ELF4: variants seen among roughly 807,000 people sequenced by gnomAD.
ELF4 encodes the protein ETS-related transcription factor Elf-4.
In ELF4, 10 loss-of-function variants were observed where a neutral mutation model predicts 31.7. The observed-to-expected ratio is 0.32, with a 90% CI of 0.19 to 0.54. ELF4 has a LOEUF of 0.54. Among genes scored for constraint, ELF4 ranks in the 20% least tolerant of loss-of-function variants. The pLI is 0.95. For synonymous variants in ELF4, 208 were observed against 226.7 expected, an observed-to-expected ratio of 0.92 and a Z score of 0.74; for missense variants, 418 against 522.0, an observed-to-expected ratio of 0.80 and a Z score of 1.94.
intron 1 of ELF4, among the ~76,000 whole-genome samples, chrX:130,106,323 A>C (rs1933378780): frequency 1.8e-5 from 2 of 110,564 alleles, no homozygotes; most frequent in African/African-American, 6.6e-5. Context: ...TGATTGTTTC[A>C]GTGTCTTAGT....
intron 1 of ELF4, among the ~76,000 whole-genome samples, chrX:130,105,839 C>T (rs2022443118): frequency 1.0e-5 from 1 of 99,806 alleles, no homozygotes. Context: ...GCCATCTCTC[C>T]CACTCCCCAG....
At chrX:130,068,914 G>A (rs974405053) in intron 8 of ELF4, among the ~76,000 whole-genome samples, 4 of 112,074 alleles carry the variant, frequency 3.6e-5, no homozygotes, top group Admixed American at 9.4e-5. Flanking sequence ...ACAGAGTAGA[G>A]CTTGGCAAGA....
At chrX:130,090,601 C>T (rs1321789785) in intron 1 of ELF4, among the ~76,000 whole-genome samples, 1 of 111,002 alleles carries the variant, frequency 9.0e-6, no homozygotes, top group Non-Finnish European at 1.9e-5. Context: ...GCCTTCCCTG[C>T]TTCCTCCCCA....
intron 1 of ELF4, among the ~76,000 whole-genome samples, chrX:130,089,929 T>A (rs1403469299): frequency 9.0e-6 from 1 of 111,155 alleles, no homozygotes; most frequent in African/African-American, 3.3e-5. Flanking sequence ...TGAAACTCTG[T>A]CTCTACTAAA....
intron 2 of ELF4, among the ~76,000 whole-genome samples, chrX:130,077,295 AT>A (rs112465014): frequency 0.095 from 9,368 of 98,144 alleles, 1,057 homozygotes; most frequent in African/African-American, 0.31. Context: ...ATTCCAGAGA[AT>A]TTTTTTTTTT....
At chrX:130,092,130 T>C (rs928878794) in intron 1 of ELF4, among the ~76,000 whole-genome samples, 30 of 112,100 alleles carry the variant, frequency 2.7e-4, no homozygotes, top group African/African-American at 9.1e-4. Flanking sequence ...AGCCTCCACT[T>C]TTTTGGGAGG....
Position 130,081,995 on chromosome X carries a change from G to A in ELF4, c.-209-456C>T, listed in dbSNP as rs765619623. 4.5e-5 allele frequency among the ~76,000 whole-genome samples: 5 copies of A among 111,869 alleles called. No individual in the cohort carries two copies. The Admixed American group carries it at 4.7e-4, about 11-fold the overall frequency. ...GAATCCCTGTAACTCCCTTGGCTTGGGGAAGAATCGTGTGAGGGGCTGAGT... is the reference window on the plus strand; with the variant it reads ...GAATCCCTGTAACTCCCTTGGCTTGAGGAAGAATCGTGTGAGGGGCTGAGT... On this transcript the variant is annotated intron_variant, in intron 1 of 8. Transcript: ENST00000308167.
chrX:130,070,929 G>A (rs1324461774), intron 7 of ELF4, 111 bp downstream of exon 7: 12 of 1,067,813 alleles, frequency 1.1e-5, no homozygotes, highest in South Asian at 3.7e-5. Context: ...TACGAGACTC[G>A]TTTCCTTAGG....
chrX:130,071,213 C>A lies in ELF4; in HGVS notation c.636G>T (p.Trp212Cys), dbSNP rs1362763139. 8.3e-7 allele frequency: 1 copy of A among 1,211,624 alleles called. No homozygotes were observed. Among genetic ancestry groups the A allele is most frequent in the Non-Finnish European group, 1.1e-6 (1 of 895,543 alleles). The change falls in exon 7 of 9, where the codon TGG becomes TGT. Residue 212 changes from tryptophan to cysteine, a missense_variant. By Grantham distance (215) the Trp-to-Cys change is radical. Around this residue, in one of 4 missense-constraint regions of ELF4, gnomAD observed 88 missense variants for 92.4 expected, o/e 0.95. Coordinates refer to ENST00000308167, the MANE Select transcript of ELF4 (RefSeq NM_001421.4). Reference sequence around the variant, plus strand: ...CTTGCAGAAGAGCCAGGAGGAACTCCCACAGATAGATGGTGCTGCCTGCAG... The same window carrying A: ...CTTGCAGAAGAGCCAGGAGGAACTCACACAGATAGATGGTGCTGCCTGCAG... Reference protein sequence around the residue: ...KDGKGSTIYLWEFLLALLQDR... With the variant: ...KDGKGSTIYLCEFLLALLQDR...
At chrX:130,098,285 A>G (rs1366292352) in intron 1 of ELF4, among the ~76,000 whole-genome samples, 1 of 111,874 alleles carries the variant, frequency 8.9e-6, no homozygotes, top group Non-Finnish European at 1.9e-5. Flanking sequence ...TCTGCAGGCT[A>G]TGGAGACAGG....
chrX:130,076,563 C>G (rs1165127778), intron 2 of ELF4, among the ~76,000 whole-genome samples: 2 of 111,383 alleles, frequency 1.8e-5, no homozygotes, highest in African/African-American at 6.5e-5. Context: ...TCCCGAGTAG[C>G]TGGGATTACC....
chrX:130,064,191 A>C lies in ELF4; in HGVS notation c.*2530T>G, dbSNP rs1194225146. ...GGTTGCTCACGCCTGTAATCCCAGC[A>C]CTTTGGGAGGCCAAGGTGGGTGGAT... On this transcript the variant is annotated 3_prime_UTR_variant, in exon 9 of 9. Transcript: ENST00000308167. Among the ~76,000 whole-genome samples, 1 of 110,812 alleles carries C rather than the reference A, an allele frequency of 9.0e-6. No homozygotes were observed.
At position 130,085,492 on chromosome X, in the gene ELF4, C is replaced by G. The variant is rs112033218; in HGVS notation, c.-209-3953G>C. Among the ~76,000 whole-genome samples, 64 of 112,166 alleles carry G rather than the reference C, an allele frequency of 5.7e-4. 1 individual carries two copies. The highest frequency in any genetic ancestry group is 1.9e-3 in the African/African-American group (60 of 30,938). On this transcript the variant is annotated intron_variant, in intron 1 of 8. Coordinates refer to ENST00000308167, the MANE Select transcript of ELF4 (RefSeq NM_001421.4). ...CATACCAAGCAGTGTCCAGCAACCA[C>G]TCATCTGGGCCTCCCTTACAGGAAA... is the stretch of plus-strand genomic sequence containing the variant.
In ELF4 at chrX:130,067,058, G is replaced by C. The variant is rs1055282581; in HGVS notation, c.1655C>G (p.Thr552Arg). The change falls in exon 9 of 9, where the codon ACG becomes AGG. Residue 552 changes from threonine to arginine, a missense_variant. This residue lies in a region of ELF4 where 260 missense variants were observed against 269.2 expected (regional missense o/e 0.97). Coordinates refer to ENST00000308167, the MANE Select transcript of ELF4 (RefSeq NM_001421.4). ...CAGCAGCCCCTCCATGGGGGCCCCC[G>C]TCACCATACCCTGAACATAGGAGGA... is the stretch of plus-strand genomic sequence containing the variant. ...RSSSYVQGMV[T>R]GAPMEGLLVP... 1.7e-6 allele frequency: 2 copies of C among 1,211,794 alleles called. No homozygotes were observed. The highest frequency in any genetic ancestry group is 3.5e-5 in the South Asian group (2 of 57,011).
rs983904385 is a variant in ELF4 at position 130,067,450 on chromosome X, C to T, written c.1263G>A (p.Thr421=). 4 of 1,211,856 alleles carry T rather than the reference C, an allele frequency of 3.3e-6. No homozygotes were observed. The highest frequency in any genetic ancestry group is 3.4e-6 in the Non-Finnish European group (3 of 895,517). Residue 421 remains threonine, a synonymous_variant, in exon 9 of 9, where the codon ACG becomes ACA. Transcript: ENST00000308167. ...TGGTCAGCACCGTGGTCAGTGGGATCGTCTGCAGGGTCAGGGCCGAGCCCG... is the reference window on the plus strand; with the variant it reads ...TGGTCAGCACCGTGGTCAGTGGGATTGTCTGCAGGGTCAGGGCCGAGCCCG... ...VGSGSALTLQ[T]IPLTTVLTNG...
chrX:130,075,529 G>A (rs968744239), intron 2 of ELF4, among the ~76,000 whole-genome samples: 1 of 111,660 alleles, frequency 9.0e-6, no homozygotes, highest in South Asian at 3.7e-4. Context: ...ACCCACCTCG[G>A]CCTCCCAAAG....
chrX:130,087,731 G>A (rs1271423606), intron 1 of ELF4, among the ~76,000 whole-genome samples: 2 of 112,144 alleles, frequency 1.8e-5, no homozygotes, highest in African/African-American at 6.5e-5. Flanking sequence ...GCCTCCCGAA[G>A]TGCTGGGATT....
chrX:130,106,865 C>T (rs2040707041), intron 1 of ELF4, among the ~76,000 whole-genome samples: 1 of 111,120 alleles, frequency 9.0e-6, no homozygotes. Flanking sequence ...GCAGACATGA[C>T]CCCTTCCACT....
chrX:130,080,920 G>A (rs1266656603), intron 2 of ELF4, among the ~76,000 whole-genome samples: 1 of 112,593 alleles, frequency 8.9e-6, no homozygotes, highest in Non-Finnish European at 1.9e-5. Context: ...TGCATCTGAT[G>A]GTCAGTGTAC....
Sources: gnomAD v4.1 joint callset for allele counts (sites outside exome capture counted in the v4.1 genomes callset) on GRCh38, gnomAD v4.1.1 for gene constraint, gnomAD v4.1.1 regional missense constraint, MANE v1.5 for transcripts, NCBI Gene and HGNC (gene_info 2026-07-23, HGNC 2026-07-21) for gene names.